Variants in SMIM36 observed in about 807,000 individuals in gnomAD.
The protein encoded by SMIM36 is small integral membrane protein 36.
chr17:55,498,791 G>A (rs187751450), intron 1 of SMIM36, among the ~76,000 whole-genome samples: 3 of 151,846 alleles, frequency 2.0e-5, no homozygotes, highest in Admixed American at 6.6e-5. Context: ...TTGAGGTCAG[G>A]AGTTCAAGAT....
intron 3 of SMIM36, among the ~76,000 whole-genome samples, chr17:55,467,752 C>A (rs1226167904): frequency 6.6e-6 from 1 of 152,182 alleles, no homozygotes; most frequent in Admixed American, 6.5e-5. Flanking sequence ...TCTGCTGCAA[C>A]CTGGCTTTCC....
chr17:55,498,999 C>CAAAAAAAAAAAAAAAAAAGAAAAAAAAAA (rs1909861403), intron 1 of SMIM36, among the ~76,000 whole-genome samples: 1 of 67,048 alleles, frequency 1.5e-5, no homozygotes, highest in South Asian at 6.0e-4. Context: ...ACTCTGTCAC[C>CAAAAAAAAAAAAAAAAAAGAAAAAAAAAA]AAAAAAAAAA....
At chr17:55,491,407 C>T (rs1418436513) in intron 1 of SMIM36, among the ~76,000 whole-genome samples, 1 of 151,908 alleles carries the variant, frequency 6.6e-6, no homozygotes, top group Admixed American at 6.6e-5. Context: ...TTTAAGTTTG[C>T]CTTAACAAAT....
At chr17:55,497,174 C>A (rs1014350180) in intron 1 of SMIM36, among the ~76,000 whole-genome samples, 1 of 152,172 alleles carries the variant, frequency 6.6e-6, no homozygotes, top group Non-Finnish European at 1.5e-5. Flanking sequence ...CTATTCCTCT[C>A]AATTATACCT....
chr17:55,470,252 G>A (rs888696536), intron 3 of SMIM36, among the ~76,000 whole-genome samples: 5 of 152,076 alleles, frequency 3.3e-5, no homozygotes, highest in Admixed American at 6.5e-5. Flanking sequence ...CTTCCCCACC[G>A]ATCCCAAAGG....
chr17:55,473,749 T>C (rs1909380381), intron 3 of SMIM36, among the ~76,000 whole-genome samples: 1 of 152,182 alleles, frequency 6.6e-6, no homozygotes, highest in Admixed American at 6.5e-5. Flanking sequence ...TGAACTTTTA[T>C]ATGGATGCAC....
chr17:55,482,348 A>C (rs1395657403), intron 1 of SMIM36, among the ~76,000 whole-genome samples: 3 of 152,036 alleles, frequency 2.0e-5, no homozygotes, highest in Admixed American at 2.0e-4. Flanking sequence ...CATGAGTCCA[A>C]ATCTATTCCT....
upstream of SMIM36, among the ~76,000 whole-genome samples, chr17:55,513,739 A>G (rs1295803035): frequency 6.6e-6 from 1 of 152,226 alleles, no homozygotes; most frequent in Non-Finnish European, 1.5e-5. Flanking sequence ...TGACTCTGAA[A>G]TGAGAACTAC....
chr17:55,477,708 C>T (rs1909448921), intron 3 of SMIM36, among the ~76,000 whole-genome samples: 1 of 152,104 alleles, frequency 6.6e-6, no homozygotes, highest in Non-Finnish European at 1.5e-5. Flanking sequence ...AAGTTATTCA[C>T]CTTTCTGAGC....
At chr17:55,468,772 T>G (rs1201669735) in intron 3 of SMIM36, among the ~76,000 whole-genome samples, 1 of 152,146 alleles carries the variant, frequency 6.6e-6, no homozygotes, top group Non-Finnish European at 1.5e-5. Flanking sequence ...CCTGTGTTCT[T>G]AAAAACCTAA....
At chr17:55,452,016 C>A (rs949066936) in intron 4 of SMIM36, among the ~76,000 whole-genome samples, 1 of 143,936 alleles carries the variant, frequency 6.9e-6, no homozygotes, top group African/African-American at 2.6e-5. Context: ...GGGAGGATCA[C>A]TTGAGCCCAG....
At chr17:55,479,842 C>T (rs1909490189) in intron 1 of SMIM36, among the ~76,000 whole-genome samples, 1 of 152,198 alleles carries the variant, frequency 6.6e-6, no homozygotes, top group Admixed American at 6.5e-5. Flanking sequence ...TGTATATTCT[C>T]AGTAAGAACC....
chr17:55,451,106 C>T (rs972692766), intron 4 of SMIM36, among the ~76,000 whole-genome samples: 5 of 152,250 alleles, frequency 3.3e-5, no homozygotes, highest in South Asian at 2.1e-4. Flanking sequence ...AGGCTGGTCT[C>T]GAACTCCTGA....
At chr17:55,469,992 C>A (rs200314409) in intron 3 of SMIM36, among the ~76,000 whole-genome samples, 95 of 146,382 alleles carry the variant, frequency 6.5e-4, no homozygotes, top group East Asian at 2.0e-3. Context: ...AAAAAAAAAA[C>A]AAAAAAAAAC....
intron 1 of SMIM36, among the ~76,000 whole-genome samples, chr17:55,498,093 G>C (rs948506426): frequency 6.6e-5 from 10 of 152,132 alleles, no homozygotes; most frequent in Admixed American, 3.9e-4. Flanking sequence ...TCTACCTTTT[G>C]ATAGTTCCTT....
chr17:55,527,560 C>G, the SMIM36 span, among the ~76,000 whole-genome samples: 5 of 152,134 alleles, frequency 3.3e-5, no homozygotes, highest in Admixed American at 1.3e-4. Context: ...GTCAGGGAAA[C>G]TGTGTTTTCT....
chr17:55,531,421 G>A, the SMIM36 span, among the ~76,000 whole-genome samples: 18 of 152,078 alleles, frequency 1.2e-4, no homozygotes, highest in East Asian at 1.9e-3. Flanking sequence ...TGTATATACC[G>A]GCTTCCAGTT....
intron 4 of SMIM36, among the ~76,000 whole-genome samples, chr17:55,456,610 A>T (rs748466178): frequency 1.3e-5 from 2 of 152,234 alleles, no homozygotes; most frequent in African/African-American, 4.8e-5. Flanking sequence ...AGATATGGGC[A>T]TTCAAGGACA....
the SMIM36 span, among the ~76,000 whole-genome samples, chr17:55,518,718 T>C: frequency 6.6e-6 from 1 of 152,162 alleles, no homozygotes; most frequent in Non-Finnish European, 1.5e-5. Flanking sequence ...GTTTTTGTTT[T>C]AGATGAGTGA....
Sources: gnomAD v4.1 joint callset for allele counts (sites outside exome capture counted in the v4.1 genomes callset) on GRCh38, gnomAD v4.1.1 for gene constraint, MANE v1.5 for transcripts, NCBI Gene and HGNC (gene_info 2026-07-23, HGNC 2026-07-21) for gene names.